NRG1: variants seen among roughly 807,000 people sequenced by gnomAD.
NRG1 encodes pro-neuregulin-1, membrane-bound isoform.
NRG1 carries 18 observed loss-of-function variants against 63.8 expected under a neutral mutation model. The ratio of observed to expected loss-of-function variants is 0.28; its 90% CI spans 0.19 to 0.42. The LOEUF (loss-of-function observed/expected upper bound fraction) is 0.42, where lower values mean the gene tolerates loss of function less well. Among genes scored for constraint, NRG1 ranks in the 10% least tolerant of loss-of-function variants. The probability of loss-of-function intolerance (pLI) is 1.00; values close to 1 mark genes in which losing one functional copy is unlikely to be tolerated. For missense variants in NRG1, 762 were observed against 814.7 expected (o/e 0.94, Z 0.79); for synonymous variants, 302 against 301.3 (o/e 1.00, Z -0.02).
At chr8:31,751,875 G>T (rs1246755844) in intron 1 of NRG1, among the ~76,000 whole-genome samples, 2 of 151,970 alleles carry the variant, frequency 1.3e-5, no homozygotes, top group Non-Finnish European at 2.9e-5. Flanking sequence ...GCCGTTTATG[G>T]AGATACGGAA....
At chr8:32,026,824 T>C (rs1479519800) in intron 1 of NRG1, among the ~76,000 whole-genome samples, 1 of 152,194 alleles carries the variant, frequency 6.6e-6, no homozygotes, top group African/African-American at 2.4e-5. Context: ...TTAAATTCTC[T>C]ACTTCAGGAA....
chr8:32,672,935 TA>T (rs1806088700), intron 5 of NRG1, among the ~76,000 whole-genome samples: 2 of 152,218 alleles, frequency 1.3e-5, no homozygotes, highest in African/African-American at 2.4e-5. Context: ...TTTCATTTTT[TA>T]TAAGCCACAA....
At chr8:32,449,033 G>A (rs939480103) in intron 1 of NRG1, among the ~76,000 whole-genome samples, 5 of 152,114 alleles carry the variant, frequency 3.3e-5, no homozygotes, top group African/African-American at 9.7e-5. Flanking sequence ...GATGGCTCAC[G>A]CCTCTAATCC....
chr8:32,361,815 A>ATACACAG (rs1807250519), intron 1 of NRG1, among the ~76,000 whole-genome samples: 1 of 152,170 alleles, frequency 6.6e-6, no homozygotes, highest in Non-Finnish European at 1.5e-5. Flanking sequence ...GGCCTCAGTA[A>ATACACAG]TACACAGTTT....
At chr8:31,674,251 C>T (rs1349658942) in intron 1 of NRG1, among the ~76,000 whole-genome samples, 1 of 152,146 alleles carries the variant, frequency 6.6e-6, no homozygotes, top group African/African-American at 2.4e-5. Context: ...TGCAGACATA[C>T]ATTTTAATTC....
exon 12 of NRG1, chr8:32,763,825 C>G (rs201330419): frequency 6.2e-6 from 10 of 1,611,816 alleles, no homozygotes; most frequent in Non-Finnish European, 8.5e-6. Context: ...AAATCGCCCC[C>G]TTCGGAAATG....
At chr8:32,586,010 G>A (rs186324302) in intron 1 of NRG1, among the ~76,000 whole-genome samples, 219 of 152,116 alleles carry the variant, frequency 1.4e-3, no homozygotes, top group Non-Finnish European at 2.3e-3. Flanking sequence ...TCTGTAAGTT[G>A]GTGATAATGG....
chr8:32,214,190 T>G, intron 1 of NRG1, among the ~76,000 whole-genome samples: 1 of 152,116 alleles, frequency 6.6e-6, no homozygotes, highest in East Asian at 1.9e-4. Flanking sequence ...GGCAGAGAGC[T>G]TTTCTTATAG....
At chr8:32,387,989 A>T (rs182033870) in intron 1 of NRG1, among the ~76,000 whole-genome samples, 6 of 152,310 alleles carry the variant, frequency 3.9e-5, no homozygotes, top group African/African-American at 1.4e-4. Context: ...CTTGGAAAAA[A>T]ACAAAAACAG....
At chr8:31,986,377 G>C (rs1158544463) in intron 1 of NRG1, among the ~76,000 whole-genome samples, 2 of 152,012 alleles carry the variant, frequency 1.3e-5, no homozygotes, top group Non-Finnish European at 2.9e-5. Context: ...TTCATACATT[G>C]CCTCATGTAG....
chr8:32,739,941 G>A (rs1013579093), intron 6 of NRG1, among the ~76,000 whole-genome samples: 6 of 152,132 alleles, frequency 3.9e-5, no homozygotes, highest in African/African-American at 9.6e-5. Flanking sequence ...GAAGCAGGAT[G>A]GAATGATAAT....
intron 1 of NRG1, among the ~76,000 whole-genome samples, chr8:32,158,781 G>C (rs1333443532): frequency 2.0e-5 from 3 of 152,082 alleles, no homozygotes; most frequent in Non-Finnish European, 4.4e-5. Context: ...GGAAACGTGA[G>C]AGGCTAGTCC....
chr8:32,042,236 G>A (rs1820175404), intron 1 of NRG1, among the ~76,000 whole-genome samples: 1 of 151,998 alleles, frequency 6.6e-6, no homozygotes, highest in South Asian at 2.1e-4. Context: ...CTTGCGGCCA[G>A]GAGTTTGAGA....
chr8:32,221,853 T>G (rs557987578), intron 1 of NRG1, among the ~76,000 whole-genome samples: 1 of 152,182 alleles, frequency 6.6e-6, no homozygotes, highest in South Asian at 2.1e-4. Context: ...TTATATTTTT[T>G]TTGCTCTCTT....
At chr8:31,704,088 A>G (rs750172473) in intron 1 of NRG1, among the ~76,000 whole-genome samples, 4 of 152,178 alleles carry the variant, frequency 2.6e-5, no homozygotes, top group African/African-American at 9.7e-5. Flanking sequence ...TCTCTGACAC[A>G]TATCAGATTT....
At chr8:31,831,732 T>C (rs933574608) in intron 1 of NRG1, among the ~76,000 whole-genome samples, 1 of 152,182 alleles carries the variant, frequency 6.6e-6, no homozygotes, top group Non-Finnish European at 1.5e-5. Context: ...AGAGGATAGT[T>C]GATATTGCCT....
At position 32,462,161 on chromosome 8, in the gene NRG1, A is replaced by G. The variant is rs1235603494; in HGVS notation, c.38-133667A>G. Among the ~76,000 whole-genome samples the G allele has an allele frequency of 5.3e-5, 8 of 152,224 alleles. No homozygotes were observed. In the East Asian group the frequency reaches 1.5e-3, roughly 29 times the overall value. On this transcript the variant is annotated intron_variant, in intron 1 of 10. Coordinates refer to the NRG1 transcript ENST00000519301. ...TGATAGTCTTCTGTATGTCAGAAGA[A>G]CAAAGAGAAGGTTGGAGGTTTTACG...
At chr8:31,705,539 G>T (rs1216493912) in intron 1 of NRG1, among the ~76,000 whole-genome samples, 1 of 152,158 alleles carries the variant, frequency 6.6e-6, no homozygotes, top group Non-Finnish European at 1.5e-5. Context: ...CTTGCTTTAT[G>T]AAAGTAAATT....
chr8:31,657,175 A>G (rs1210734036), intron 1 of NRG1, among the ~76,000 whole-genome samples: 1 of 152,170 alleles, frequency 6.6e-6, no homozygotes, highest in East Asian at 1.9e-4. Flanking sequence ...TCATTTATTT[A>G]CTTTGGGTGC....
Sources: allele counts gnomAD v4.1 joint callset (sites outside exome capture counted in the v4.1 genomes callset), GRCh38; gene constraint gnomAD v4.1.1; transcripts MANE v1.5; gene names NCBI Gene and HGNC (gene_info 2026-07-23, HGNC 2026-07-21).